ANO5: variants seen among roughly 807,000 people sequenced by gnomAD.
The protein encoded by ANO5 is anoctamin 5.
A neutral mutation model predicts 121.0 loss-of-function variants in ANO5; 109 were observed. That is an observed-to-expected ratio of 0.90 (90% CI 0.77 to 1.06). The LOEUF is 1.06. Among genes scored for constraint, ANO5 ranks in the 50% least tolerant of loss-of-function variants. The pLI is 0.00. For missense variants in ANO5, 1,064 were observed against 1,078.5 expected, an observed-to-expected ratio of 0.99 and a Z score of 0.19; for synonymous variants, 406 against 359.9, an observed-to-expected ratio of 1.13 and a Z score of -1.45.
chr11:22,200,631 A>G (rs1014949357), intron 1 of ANO5, among the ~76,000 whole-genome samples: 3 of 152,158 alleles, frequency 2.0e-5, no homozygotes, highest in African/African-American at 7.2e-5. Context: ...GTCTGGTGCC[A>G]TAGCCTTGAT....
At position 22,280,971 on chromosome 11, in the gene ANO5, A is replaced by AATT. The variant is rs1275198080; in HGVS notation, c.*1208_*1209insTAT. On this transcript the variant is annotated 3_prime_UTR_variant, in exon 22 of 22. Transcript: ENST00000324559. ...CTAAGAATGAGTTCATGGACTTAAT[A>AATT]ATCTAAGGGGGAAAAAATGTTTGTT... The AATT allele has an allele frequency of 6.6e-6, 1 of 152,064 alleles. No individual in the cohort carries two copies. Among genetic ancestry groups the AATT allele is most frequent in the African/African-American group, 2.4e-5 (1 of 41,452 alleles). The allele number at this position is 152,064 out of a possible 1,614,324, so 9.4% of individuals were successfully genotyped here. A position where few individuals can be genotyped will look rare whatever the true frequency, so the allele number is the denominator to read the frequency against.
intron 5 of ANO5, among the ~76,000 whole-genome samples, chr11:22,222,127 T>C (rs1028701822): frequency 1.3e-4 from 20 of 152,094 alleles, no homozygotes; most frequent in African/African-American, 4.6e-4. Context: ...ATGGGGTAAA[T>C]GCTGCTTGCC....
intron 7 of ANO5, among the ~76,000 whole-genome samples, chr11:22,235,759 TGAA>T (rs1313919472): frequency 6.6e-6 from 1 of 152,104 alleles, no homozygotes; most frequent in African/African-American, 2.4e-5. Flanking sequence ...AATAATTAAT[TGAA>T]GAAGTATTCA....
chr11:22,261,706 T>G (rs1590304189), intron 15 of ANO5: 2 of 189,352 alleles, frequency 1.1e-5, no homozygotes, highest in East Asian at 2.9e-4. Context: ...GAGAATTCAC[T>G]CAATACCAGG....
rs561835569 is a variant in ANO5, at chr11:22,241,831, A to G, written c.878+2147A>G. ...GTAGTTTGTGAATGTTTTCCCCTAT[A>G]CTGTAGATTGTCTACTCTATTGATA... On this transcript the variant is annotated intron_variant, in intron 9 of 21. Transcript: ENST00000324559. 1.1e-4 allele frequency among the ~76,000 whole-genome samples: 17 copies of G among 151,854 alleles called. 1 individual carries two copies. The South Asian group carries it at 3.5e-3, about 32-fold the overall frequency.
chr11:22,252,513 C>T (rs1393031161), intron 12 of ANO5, among the ~76,000 whole-genome samples: 1 of 152,128 alleles, frequency 6.6e-6, no homozygotes, highest in Non-Finnish European at 1.5e-5. Context: ...TATTTACTGA[C>T]CATTGGCTCT....
Position 22,227,436 on chromosome 11 carries a change from A to C in ANO5, c.498A>C (p.Ile166=). 1.9e-6 allele frequency: 3 copies of C among 1,613,620 alleles called. No individual in the cohort carries two copies. The highest frequency in any genetic ancestry group is 1.3e-5 in the African/African-American group (1 of 74,976). ...TTCCCCGCCCTAAGCACACTCCTAT[A>C]AGCTATGTGCTTGGACCTGTAAGAC... The part of the protein sequence containing the change: ...SDIPRPKHTP[I]SYVLGPVRLP... The change falls in exon 7 of 22, where the codon ATA becomes ATC. Residue 166 remains isoleucine, a synonymous_variant. Coordinates refer to ENST00000324559, the MANE Select transcript of ANO5 (RefSeq NM_213599.3).
At chr11:22,237,035 C>T (rs1853246296) in intron 8 of ANO5, among the ~76,000 whole-genome samples, 1 of 152,108 alleles carries the variant, frequency 6.6e-6, no homozygotes, top group Non-Finnish European at 1.5e-5. Flanking sequence ...ATTTGAATAG[C>T]CAGTGTTTAA....
At chr11:22,237,860 C>G (rs1159052995) in intron 8 of ANO5, among the ~76,000 whole-genome samples, 1 of 151,860 alleles carries the variant, frequency 6.6e-6, no homozygotes, top group Non-Finnish European at 1.5e-5. Context: ...ATCCCCGGAC[C>G]CTTGGATACC....
chr11:22,265,097 C>T (rs141242831), intron 17 of ANO5, among the ~76,000 whole-genome samples: 180 of 152,090 alleles, frequency 1.2e-3, no homozygotes, highest in African/African-American at 3.9e-3. Context: ...ACACAAGTTT[C>T]AGAAATGGAA....
intron 3 of ANO5, among the ~76,000 whole-genome samples, chr11:22,218,005 G>T (rs1852509163): frequency 6.6e-6 from 1 of 151,556 alleles, no homozygotes; most frequent in African/African-American, 2.4e-5. Flanking sequence ...ACTATTTAAA[G>T]AATTTAGGAA....
intron 19 of ANO5, among the ~76,000 whole-genome samples, chr11:22,273,888 G>A (rs7395682): frequency 0.83 from 125,649 of 152,008 alleles, 52,481 homozygotes; most frequent in African/African-American, 0.93. Context: ...TCTATTCAGT[G>A]AGTAATAGAA....
intron 7 of ANO5, among the ~76,000 whole-genome samples, chr11:22,232,311 CA>C (rs1464894418): frequency 6.6e-6 from 1 of 151,730 alleles, no homozygotes; most frequent in Non-Finnish European, 1.5e-5. Flanking sequence ...GTTTATTGGC[CA>C]TCTAGATACG....
chr11:22,237,092 A>G (rs1029829724), intron 8 of ANO5, among the ~76,000 whole-genome samples: 5 of 152,140 alleles, frequency 3.3e-5, no homozygotes, highest in African/African-American at 1.2e-4. Context: ...GAATGTGTAC[A>G]TATTCTACTT....
chr11:22,279,871 TTTTTTTTC>T lies in ANO5; in HGVS notation c.*114_*121del. 1.0e-6 allele frequency: 1 copy of T among 988,176 alleles called. No individual in the cohort carries two copies. The highest frequency in any genetic ancestry group is 1.5e-6 in the Non-Finnish European group (1 of 677,932). The allele number at this position is 988,176 out of a possible 1,614,324, so 61.2% of individuals were successfully genotyped here. Reference sequence around the variant, plus strand: ...GTGTCAATTTTACCCTTTCTTTTTTTTTTTTTTCTTTTTTTTTTTAAACTCAAAGTTTT... The same window carrying T: ...GTGTCAATTTTACCCTTTCTTTTTTTTTTTTTTTTTTAAACTCAAAGTTTT... On this transcript the variant is annotated 3_prime_UTR_variant, in exon 22 of 22. Coordinates refer to ENST00000324559, the MANE Select transcript of ANO5 (RefSeq NM_213599.3).
chr11:22,270,000 G>A (rs539425123), intron 17 of ANO5, among the ~76,000 whole-genome samples: 2 of 152,258 alleles, frequency 1.3e-5, no homozygotes, highest in East Asian at 3.9e-4. Flanking sequence ...ATTAGTAAGT[G>A]GTCTTAGTGG....
rs563052208 is a variant in ANO5 at position 22,222,285 on chromosome 11, C to T, written c.294+1075C>T. 2.6e-5 allele frequency among the ~76,000 whole-genome samples: 4 copies of T among 152,040 alleles called. No individual in the cohort carries two copies. The South Asian group carries it at 6.2e-4, about 24-fold the overall frequency. The stretch of plus-strand genomic sequence containing the variant: ...CTTCTATTCCTCAACAATTTTACCT[C>T]CTGGATCACTGTCCGTCTTTCCAGC... On this transcript the variant is annotated intron_variant, in intron 5 of 21. Coordinates refer to ENST00000324559, the MANE Select transcript of ANO5 (RefSeq NM_213599.3).
chr11:22,275,027 G>A (rs1335744216), intron 20 of ANO5, among the ~76,000 whole-genome samples: 2 of 151,928 alleles, frequency 1.3e-5, no homozygotes, highest in African/African-American at 4.8e-5. Flanking sequence ...ACTTTCTAAT[G>A]TATCAAAAGG....
At chr11:22,277,634 C>T (rs1854915496) in intron 21 of ANO5, among the ~76,000 whole-genome samples, 1 of 151,292 alleles carries the variant, frequency 6.6e-6, no homozygotes, top group African/African-American at 2.4e-5. Context: ...TCTTTTCTCC[C>T]TCTGTCTCTT....
Sources: allele counts gnomAD v4.1 joint callset (sites outside exome capture counted in the v4.1 genomes callset), GRCh38; gene constraint gnomAD v4.1.1; transcripts MANE v1.5; gene names NCBI Gene and HGNC (gene_info 2026-07-23, HGNC 2026-07-21).